Variants in RNF207 observed in about 807,000 individuals in gnomAD.
RNF207 encodes ring finger protein 207.
Under a neutral mutation model 79.0 loss-of-function variants are expected in RNF207, and 72 were observed. The ratio of observed to expected loss-of-function variants is 0.91; its 90% confidence interval spans 0.75 to 1.11. The LOEUF is 1.11. Among genes scored for constraint, RNF207 ranks in the 50% least tolerant of loss-of-function variants. RNF207 has a pLI of 0.00. For synonymous variants in RNF207, 348 were observed against 366.2 expected, an observed-to-expected ratio of 0.95 and a Z score of 0.57; for missense variants, 936 against 855.8, an observed-to-expected ratio of 1.09 and a Z score of -1.17.
chr1:6,207,477 G>C lies in RNF207; in HGVS notation c.290G>C (p.Arg97Pro). 2 of 1,599,308 alleles carry C rather than the reference G, an allele frequency of 1.3e-6. No individual in the cohort carries two copies. The highest frequency in any genetic ancestry group is 1.1e-5 in the South Asian group (1 of 88,852). ...TCAGGGGATGGCGTGGAGGCGGTGC[G>C]CTGTGCCAACTGTGACCTGGAGTGC... is the stretch of plus-strand genomic sequence containing the variant. ...DSSGDGVEAV[R>P]CANCDLECSE... is the part of the protein sequence containing the mutation. Residue 97 changes from arginine (R) to proline (P), a missense_variant, in exon 3 of 18, where the codon CGC (arginine) becomes CCC (proline). Coordinates refer to ENST00000377939, the MANE Select transcript of RNF207 (RefSeq NM_207396.3). The surrounding 1 kb of genome is among the most constrained non-coding windows in gnomAD (Gnocchi z 4.5).
chr1:6,219,400 C>T lies in RNF207; in HGVS notation c.1898C>T (p.Pro633Leu), dbSNP rs1445229401. 7.5e-6 allele frequency: 12 copies of T among 1,601,668 alleles called. No homozygotes were observed. Among genetic ancestry groups the T allele is most frequent in the African/African-American group, 4.0e-5 (3 of 74,432 alleles). Residue 633 changes from proline to leucine, a missense_variant, in exon 18 of 18, where the codon CCG (proline) becomes CTG (leucine). Transcript: ENST00000377939. ...GATGTCCCCACATGGAGGGAACACCCGACTTAGCAAATGGGACCGGTCCCC... is the reference window on the plus strand; with the variant it reads ...GATGTCCCCACATGGAGGGAACACCTGACTTAGCAAATGGGACCGGTCCCC... ...GGDVPTWREHPT is the reference protein window; with the variant it reads ...GGDVPTWREHLT
chr1:6,209,888 G>C, intron 7 of RNF207, 36 bp from the exon 8 acceptor site: 1 of 1,559,654 alleles, frequency 6.4e-7, no homozygotes, highest in Non-Finnish European at 8.7e-7. Flanking sequence ...GCAGGGCTGG[G>C]GCGCAAATCA....
chr1:6,212,411 C>A lies in RNF207; in HGVS notation c.1477C>A (p.Gln493Lys). The A allele has an allele frequency of 6.2e-7, 1 of 1,607,006 alleles. No homozygotes were observed. Among genetic ancestry groups the A allele is most frequent in the East Asian group, 2.2e-5 (1 of 44,854 alleles). Residue 493 changes from glutamine (Q) to lysine (K), a missense_variant, in exon 14 of 18, where the codon CAG (glutamine) becomes AAG (lysine). Coordinates refer to ENST00000377939, the MANE Select transcript of RNF207 (RefSeq NM_207396.3). ...ASLEGMRVVF[Q>K]EIWEEAYQRV... Reference sequence around the variant, plus strand: ...CTTAGAGGGCATGAGGGTCGTCTTCCAGGAGGTAGCCCTCCCAAGGACTCT... The same window carrying A: ...CTTAGAGGGCATGAGGGTCGTCTTCAAGGAGGTAGCCCTCCCAAGGACTCT...
At position 6,210,406 on chromosome 1, in the gene RNF207, G is replaced by A; in HGVS notation, c.910G>A (p.Ala304Thr). ...LVICSSFLSL[A>T]NKAEFLDLGY... ...CATCTGCTCCTCCTTCCTCAGCTTG[G>A]CCAACAAGGCTGAGTTCCTGGACCT... is the stretch of plus-strand genomic sequence containing the variant. Residue 304 changes from alanine to threonine, a missense_variant, in exon 10 of 18, where the codon GCC becomes ACC. Transcript: ENST00000377939. 1 of 1,613,588 alleles carries A rather than the reference G, an allele frequency of 6.2e-7. No individual in the cohort carries two copies. Among genetic ancestry groups the A allele is most frequent in the Non-Finnish European group, 8.5e-7 (1 of 1,179,892 alleles).
chr1:6,212,273 G>A lies in RNF207; in HGVS notation c.1339G>A (p.Glu447Lys). 1 of 1,613,820 alleles carries A rather than the reference G, an allele frequency of 6.2e-7. No homozygotes were observed. Among genetic ancestry groups the A allele is most frequent in the Non-Finnish European group, 8.5e-7 (1 of 1,179,936 alleles). ...EMQSLKDQVQ[E>K]LHRDLTKHHS... ...GCAGAGCCTAAAGGACCAGGTACAG[G>A]AGCTGCACCGAGACCTCACCAAGCA... Residue 447 changes from glutamate (E) to lysine (K), a missense_variant, in exon 14 of 18, where the codon GAG (glutamate) becomes AAG (lysine). Coordinates refer to ENST00000377939, the MANE Select transcript of RNF207 (RefSeq NM_207396.3).
rs1417784833 is a variant in RNF207 at position 6,210,448 on chromosome 1, C to T, written c.942+10C>T. The T allele has an allele frequency of 1.9e-6, 3 of 1,609,276 alleles. No individual in the cohort carries two copies. Among genetic ancestry groups the T allele is most frequent in the Non-Finnish European group, 2.5e-6 (3 of 1,176,986 alleles). ...CCTGGACCTGGGCTATGTGAGTCTC[C>T]TCTGCTCCTGCAGATGCCCCCTCCC... On this transcript the variant is annotated intron_variant, in intron 10 of 17. Transcript: ENST00000377939.
intron 7 of RNF207, 61 bp from the exon 8 acceptor site, chr1:6,209,863 G>A (rs1571203338): frequency 4.6e-6 from 7 of 1,522,632 alleles, no homozygotes; most frequent in East Asian, 2.3e-5. Context: ...CGGGGGGTAG[G>A]CATGGTGGGA....
At chr1:6,210,466 C>T in intron 10 of RNF207, 28 bp downstream of exon 10, 2 of 1,572,182 alleles carry the variant, frequency 1.3e-6, no homozygotes, top group Admixed American at 1.7e-5. Context: ...CTGCAGATGC[C>T]CCCTCCCCAC....
intron 4 of RNF207, 28 bp downstream of exon 4, chr1:6,209,053 T>TTGGGGG: frequency 2.0e-6 from 1 of 509,050 alleles, no homozygotes; most frequent in Non-Finnish European, 3.6e-6. Context: ...GGCCGGGGAC[T>TTGGGGG]TGGGGGTGGG....
rs1012164799 is a variant in RNF207, at chr1:6,207,083, A to G, written c.192-296A>G. ...CCACAGTTTCAGTTATGTGGGCTCA[A>G]GGAACCCAGGAGTGGCTCTGATTTG... On this transcript the variant is annotated intron_variant, in intron 2 of 17. Transcript: ENST00000377939. The surrounding 1 kb of genome is among the most constrained non-coding windows in gnomAD (Gnocchi z 4.5). 6.6e-6 allele frequency among the ~76,000 whole-genome samples: 1 copy of G among 152,214 alleles called. No homozygotes were observed. Among genetic ancestry groups the G allele is most frequent in the Non-Finnish European group, 1.5e-5 (1 of 68,032 alleles).
Position 6,206,534 on chromosome 1 carries a change from A to C in RNF207, c.1-2A>C. On this transcript the variant is annotated splice_acceptor_variant, in intron 1 of 17. Transcript: ENST00000377939. LOFTEE classifies it low-confidence loss of function (5UTR_SPLICE). ...AGCCGCCCGCTTGCGCTGTCGCTGC[A>C]GATGTCGGGAGCTATCTTCGGGCCC... is the stretch of plus-strand genomic sequence containing the variant. 6.4e-7 allele frequency: 1 copy of C among 1,566,092 alleles called. No individual in the cohort carries two copies.
chr1:6,212,838 C>T, intron 15 of RNF207, 105 bp downstream of exon 15: 2 of 977,726 alleles, frequency 2.0e-6, no homozygotes, highest in Non-Finnish European at 3.3e-6. Flanking sequence ...CAAATCCCCA[C>T]ACTCTTCCCC....
Position 6,219,355 on chromosome 1 carries a change from C to T in RNF207, c.1853C>T (p.Ser618Phe). 1.2e-6 allele frequency: 2 copies of T among 1,612,500 alleles called. No homozygotes were observed. Among genetic ancestry groups the T allele is most frequent in the Non-Finnish European group, 1.7e-6 (2 of 1,179,628 alleles). The change falls in exon 18 of 18, where the codon TCC becomes TTC. Residue 618 changes from serine to phenylalanine, a missense_variant. By Grantham distance (155) the Ser-to-Phe change is radical. Coordinates refer to ENST00000377939, the MANE Select transcript of RNF207 (RefSeq NM_207396.3). Reference sequence around the variant, plus strand: ...CTGAAAAATATGGATCATCACAGATCCAAACAGAAAAATGGGGGCGATGTC... The same window carrying T: ...CTGAAAAATATGGATCATCACAGATTCAAACAGAAAAATGGGGGCGATGTC... ...PLLKNMDHHR[S>F]KQKNGGDVPT...
intron 9 of RNF207, 33 bp from the exon 10 acceptor site, chr1:6,210,337 C>A: frequency 1.9e-6 from 3 of 1,613,082 alleles, no homozygotes; most frequent in South Asian, 1.1e-5. Flanking sequence ...TCCTCCTCCC[C>A]GGCCAGGCAC....
Position 6,218,349 on chromosome 1 carries a change from G to T in RNF207, c.1713G>T (p.Arg571Ser), listed in dbSNP as rs1282643261. The T allele has an allele frequency of 2.5e-6, 4 of 1,613,896 alleles. No homozygotes were observed. Among genetic ancestry groups the T allele is most frequent in the South Asian group, 1.1e-5 (1 of 91,078 alleles). Residue 571 changes from arginine to serine, a missense_variant, in exon 17 of 18, where the codon AGG (arginine) becomes AGT (serine). By Grantham distance (110) the Arg-to-Ser change is moderately radical. Transcript: ENST00000377939. ...TACAGAACACGCACGACGACAGCAGGAACAACGCGGCCTCAGCCAGGTAAA... is the reference window on the plus strand; with the variant it reads ...TACAGAACACGCACGACGACAGCAGTAACAACGCGGCCTCAGCCAGGTAAA... ...ESLQNTHDDS[R>S]NNAASARNNP...
chr1:6,208,772 G>C, intron 3 of RNF207, 109 bp from the exon 4 acceptor site: 2 of 1,169,074 alleles, frequency 1.7e-6, no homozygotes, highest in Admixed American at 2.8e-5. Context: ...GTTTAGCTGC[G>C]CACCCGGCCA....
At position 6,219,434 on chromosome 1, in the gene RNF207, GCT is replaced by G. The variant is rs752384364; in HGVS notation, c.*30_*31del. The G allele has an allele frequency of 6.5e-7, 1 of 1,546,202 alleles. No individual in the cohort carries two copies. Among genetic ancestry groups the G allele is most frequent in the Admixed American group, 1.9e-5 (1 of 52,594 alleles). On this transcript the variant is annotated 3_prime_UTR_variant, in exon 18 of 18. Coordinates refer to ENST00000377939, the MANE Select transcript of RNF207 (RefSeq NM_207396.3). ...AAATGGGACCGGTCCCCAGGGTCAG[GCT>G]CTTAGAGCAGGCACAAGACTGGGAC...
Position 6,217,381 on chromosome 1 carries a change from C to T in RNF207, c.1653-908C>T, listed in dbSNP as rs1189100049. Among the ~76,000 whole-genome samples the T allele has an allele frequency of 6.6e-6, 1 of 152,140 alleles. No individual in the cohort carries two copies. Among genetic ancestry groups the T allele is most frequent in the African/African-American group, 2.4e-5 (1 of 41,428 alleles). Reference sequence around the variant, plus strand: ...TCAGTCCCTGGCTTTAAGACCCCATCATGACGCAGACCCCCAGCTCCCGCT... The same window carrying T: ...TCAGTCCCTGGCTTTAAGACCCCATTATGACGCAGACCCCCAGCTCCCGCT... On this transcript the variant is annotated intron_variant, in intron 16 of 17. Coordinates refer to ENST00000377939, the MANE Select transcript of RNF207 (RefSeq NM_207396.3). This position sits in a 1 kb window ranked among gnomAD's most constrained non-coding sequence, Gnocchi z 4.2.
chr1:6,219,683 G>A lies in RNF207; in HGVS notation c.*276G>A. The stretch of plus-strand genomic sequence containing the variant: ...AATTTTTTGTATTTTTAGTAGAGAT[G>A]GGGTTTCACCATGTTGGCCAGGCTG... On this transcript the variant is annotated 3_prime_UTR_variant, in exon 18 of 18. Transcript: ENST00000377939. The A allele has an allele frequency of 5.1e-6, 1 of 194,826 alleles. No individual in the cohort carries two copies. The highest frequency in any genetic ancestry group is 1.5e-4 in the South Asian group (1 of 6,580). The allele number at this position is 194,826 out of a possible 1,614,324, so 12.1% of individuals were successfully genotyped here.
Sources: allele counts gnomAD v4.1 joint callset (sites outside exome capture counted in the v4.1 genomes callset), GRCh38; gene constraint gnomAD v4.1.1; non-coding constraint Gnocchi (gnomAD v3.1); transcripts MANE v1.5; gene names NCBI Gene and HGNC (gene_info 2026-07-23, HGNC 2026-07-21).